PDS5B: variants seen among roughly 807,000 people sequenced by gnomAD.
PDS5B encodes the protein PDS5 cohesin associated factor B.
In PDS5B, 51 loss-of-function variants were observed where a neutral mutation model predicts 184.1. The ratio of observed to expected loss-of-function variants is 0.28; its 90% confidence interval spans 0.22 to 0.35. The LOEUF (loss-of-function observed/expected upper bound fraction) is 0.35, where lower values mean the gene tolerates loss of function less well. Ranked by LOEUF, PDS5B falls within the 10% of genes least tolerant of loss-of-function variation. PDS5B has a pLI of 1.00. For synonymous variants in PDS5B, 566 were observed against 569.2 expected (o/e 0.99, Z 0.08); for missense variants, 1,180 against 1,723.3 (o/e 0.68, Z 5.58).
chr13:32,732,031 A>G (rs1953139074), intron 19 of PDS5B, 70 bp from the exon 20 acceptor site: 1 of 1,288,428 alleles, frequency 7.8e-7, no homozygotes, highest in Admixed American at 2.3e-5. Context: ...AAATACAAAT[A>G]TTAAAGTATC....
At chr13:32,733,904 C>CA (rs1403703038) in intron 20 of PDS5B, among the ~76,000 whole-genome samples, 1 of 151,930 alleles carries the variant, frequency 6.6e-6, no homozygotes, top group African/African-American at 2.4e-5. Flanking sequence ...CATGCATGCA[C>CA]ATACACACGC....
intron 18 of PDS5B, among the ~76,000 whole-genome samples, chr13:32,708,319 CG>C (rs1765300831): frequency 6.6e-6 from 1 of 152,224 alleles, no homozygotes; most frequent in Admixed American, 6.5e-5. Context: ...AGAATCCTTG[CG>C]GGCTAATCCT....
intron 8 of PDS5B, 22 bp downstream of exon 8, chr13:32,673,378 A>C (rs1950984646): frequency 6.3e-7 from 1 of 1,588,842 alleles, no homozygotes; most frequent in Admixed American, 1.7e-5. Flanking sequence ...AAATAATATG[A>C]TTCTACCAAC....
intron 14 of PDS5B, among the ~76,000 whole-genome samples, chr13:32,695,428 T>C (rs1393821164): frequency 1.3e-5 from 2 of 151,980 alleles, no homozygotes; most frequent in Non-Finnish European, 2.9e-5. Flanking sequence ...TAAGCATGTT[T>C]CAGTTAGTGT....
Position 32,608,418 on chromosome 13 carries a change from G to A in PDS5B, c.-20+21825G>A, listed in dbSNP as rs953454800. On this transcript the variant is annotated intron_variant, in intron 1 of 34. Coordinates refer to ENST00000315596, the MANE Select transcript of PDS5B (RefSeq NM_015032.4). ...TTACACTTCCATCTCTGTCAGCTAG[G>A]GTTTGATTAAAGAAGCAAAATTATT... Among the ~76,000 whole-genome samples the A allele has an allele frequency of 5.9e-5, 9 of 152,138 alleles. No homozygotes were observed. In the East Asian group the frequency reaches 1.7e-3, roughly 29 times the overall value.
At chr13:32,760,012 A>C (rs1397656330) in intron 29 of PDS5B, among the ~76,000 whole-genome samples, 2 of 151,984 alleles carry the variant, frequency 1.3e-5, no homozygotes, top group African/African-American at 4.8e-5. Flanking sequence ...GCTGGAGTGC[A>C]GTGGCGCATC....
chr13:32,726,908 C>T (rs1952919394), intron 19 of PDS5B, among the ~76,000 whole-genome samples: 1 of 151,918 alleles, frequency 6.6e-6, no homozygotes, highest in South Asian at 2.1e-4. Context: ...AGAGCAACAC[C>T]CTTAAAGAAA....
At chr13:32,643,843 A>G (rs1381066477) in intron 1 of PDS5B, among the ~76,000 whole-genome samples, 1 of 152,164 alleles carries the variant, frequency 6.6e-6, no homozygotes, top group African/African-American at 2.4e-5. Context: ...ATTAGAATGT[A>G]TCCCATCATT....
intron 6 of PDS5B, among the ~76,000 whole-genome samples, chr13:32,662,304 A>G (rs1290690220): frequency 2.6e-5 from 4 of 152,138 alleles, no homozygotes; most frequent in Non-Finnish European, 5.9e-5. Context: ...TAAAGCACAA[A>G]TTGAAAGAAT....
At chr13:32,676,078 A>G in intron 9 of PDS5B, 119 bp downstream of exon 9, 2 of 592,438 alleles carry the variant, frequency 3.4e-6, no homozygotes, top group East Asian at 2.7e-5. Flanking sequence ...AGGATTTTTT[A>G]TGTTGAAAGT....
At chr13:32,608,521 C>T (rs1455080745) in intron 1 of PDS5B, among the ~76,000 whole-genome samples, 1 of 152,212 alleles carries the variant, frequency 6.6e-6, no homozygotes, top group East Asian at 1.9e-4. Context: ...GCTTCTGAGT[C>T]TGGTGCTAGA....
At chr13:32,600,077 G>A (rs951133360) in intron 1 of PDS5B, among the ~76,000 whole-genome samples, 1 of 152,046 alleles carries the variant, frequency 6.6e-6, no homozygotes, top group African/African-American at 2.4e-5. Flanking sequence ...GTGCAGTGAA[G>A]CCTGTTTTCA....
chr13:32,725,971 A>C (rs1296529639), intron 19 of PDS5B, among the ~76,000 whole-genome samples: 1 of 152,106 alleles, frequency 6.6e-6, no homozygotes, highest in Non-Finnish European at 1.5e-5. Context: ...ACATGGATAC[A>C]TACCCTTGTT....
At position 32,648,898 on chromosome 13, in the gene PDS5B, C is replaced by A. The variant is rs368958350; in HGVS notation, c.108+18C>A. On this transcript the variant is annotated intron_variant, in intron 2 of 34. Coordinates refer to ENST00000315596, the MANE Select transcript of PDS5B (RefSeq NM_015032.4). Reference sequence around the variant, plus strand: ...GATTAAAGGTGAGTAAAATTCTATTCTTTTTTACATCTGTGTAGGGCAGAG... The same window carrying A: ...GATTAAAGGTGAGTAAAATTCTATTATTTTTTACATCTGTGTAGGGCAGAG... 12 of 1,067,666 alleles carry A rather than the reference C, an allele frequency of 1.1e-5. No individual in the cohort carries two copies. The highest frequency in any genetic ancestry group is 1.6e-5 in the Non-Finnish European group (11 of 681,346). 66.1% of individuals were successfully genotyped at this position (1,067,666 alleles called of 1,614,324 possible).
At chr13:32,739,167 T>C (rs1438165242) in intron 21 of PDS5B, among the ~76,000 whole-genome samples, 2 of 145,802 alleles carry the variant, frequency 1.4e-5, no homozygotes, top group Admixed American at 6.9e-5. Flanking sequence ...ATTGATTTAC[T>C]TTTTTTTTTT....
intron 24 of PDS5B, among the ~76,000 whole-genome samples, chr13:32,751,085 T>C (rs190890048): frequency 2.0e-5 from 3 of 152,332 alleles, no homozygotes; most frequent in Admixed American, 6.5e-5. Flanking sequence ...TTTGTGTTCA[T>C]GTGTACTCAA....
chr13:32,622,891 A>G (rs967819438), intron 1 of PDS5B, among the ~76,000 whole-genome samples: 1 of 152,242 alleles, frequency 6.6e-6, no homozygotes, highest in Non-Finnish European at 1.5e-5. Flanking sequence ...CTGAGGCAAC[A>G]GGTATTGCAG....
At chr13:32,734,098 G>C (rs1289139628) in intron 20 of PDS5B, among the ~76,000 whole-genome samples, 1 of 150,856 alleles carries the variant, frequency 6.6e-6, no homozygotes, top group Non-Finnish European at 1.5e-5. Context: ...CGTGATCTCT[G>C]CTCACTGCAA....
intron 19 of PDS5B, among the ~76,000 whole-genome samples, chr13:32,729,451 G>T (rs1953024828): frequency 6.6e-6 from 1 of 152,010 alleles, no homozygotes; most frequent in Admixed American, 6.6e-5. Flanking sequence ...TAATCCTTTG[G>T]GTATATACCT....
Sources: gnomAD v4.1 joint callset for allele counts (sites outside exome capture counted in the v4.1 genomes callset) on GRCh38, gnomAD v4.1.1 for gene constraint, MANE v1.5 for transcripts, NCBI Gene and HGNC (gene_info 2026-07-23, HGNC 2026-07-21) for gene names.